BACH2: variants seen among roughly 807,000 people sequenced by gnomAD.
BACH2 encodes transcription regulator protein BACH2.
Under a neutral mutation model 61.8 loss-of-function variants are expected in BACH2, and 5 were observed. That is an observed-to-expected ratio of 0.08 (90% confidence interval 0.04 to 0.17). BACH2 has a LOEUF of 0.17. BACH2 is among the 10% of genes least tolerant of loss of function. The probability of loss-of-function intolerance (pLI) is 1.00; values close to 1 mark genes in which losing one functional copy is unlikely to be tolerated. For synonymous variants in BACH2, 446 were observed against 440.1 expected, an observed-to-expected ratio of 1.01 and a Z score of -0.17; for missense variants, 824 against 1,091.1, an observed-to-expected ratio of 0.76 and a Z score of 3.45.
intron 3 of BACH2, among the ~76,000 whole-genome samples, chr6:90,245,565 G>C (rs532011545): frequency 1.3e-5 from 2 of 152,312 alleles, no homozygotes; most frequent in South Asian, 4.1e-4. Context: ...TCCCATCTCT[G>C]AAGAATTTTT....
At chr6:90,295,559 A>G (rs2127896349) in intron 1 of BACH2, among the ~76,000 whole-genome samples, 1 of 152,176 alleles carries the variant, frequency 6.6e-6, no homozygotes, top group East Asian at 1.9e-4. Flanking sequence ...CAGCGGGGCC[A>G]CGGAGCGCCT....
intron 4 of BACH2, among the ~76,000 whole-genome samples, chr6:90,151,968 A>G (rs2127830173): frequency 6.6e-6 from 1 of 152,346 alleles, no homozygotes; most frequent in Admixed American, 6.5e-5. Context: ...CTTTGCCTCA[A>G]AAGAGGACTA....
intron 4 of BACH2, among the ~76,000 whole-genome samples, chr6:90,089,744 C>T (rs1471133646): frequency 2.0e-5 from 3 of 152,078 alleles, no homozygotes; most frequent in Non-Finnish European, 2.9e-5. Flanking sequence ...ACTCCTTCAC[C>T]GAAACTCTTG....
intron 4 of BACH2, among the ~76,000 whole-genome samples, chr6:90,155,361 C>T (rs1168206789): frequency 1.3e-5 from 2 of 152,128 alleles, no homozygotes; most frequent in African/African-American, 2.4e-5. Flanking sequence ...TAGGTGTCAG[C>T]GATATGTTCC....
rs532288276 is a variant in BACH2, at chr6:90,195,513, G to A, written c.-162+11056C>T. On this transcript the variant is annotated intron_variant, in intron 4 of 8. Coordinates refer to ENST00000257749, the MANE Select transcript of BACH2 (RefSeq NM_021813.4). ...CCTAAGGTGTGGATCTAGTCTGTGA[G>A]ATCAAAGCCAGCGGCTCTAATAACA... is the stretch of plus-strand genomic sequence containing the variant. 2.0e-4 allele frequency among the ~76,000 whole-genome samples: 31 copies of A among 151,684 alleles called. No homozygotes were observed. In the East Asian group the frequency reaches 3.5e-3, roughly 17 times the overall value.
intron 4 of BACH2, among the ~76,000 whole-genome samples, chr6:90,092,724 G>T (rs1354305143): frequency 6.6e-6 from 1 of 152,148 alleles, no homozygotes; most frequent in African/African-American, 2.4e-5. Context: ...AACAAAAAAA[G>T]TACTAAGTTA....
At chr6:90,123,930 A>ATT (rs111792941) in intron 4 of BACH2, among the ~76,000 whole-genome samples, 6,009 of 152,176 alleles carry the variant, frequency 0.039, 359 homozygotes, top group African/African-American at 0.13. Context: ...TCTCCTCCGA[A>ATT]TGCAGGCCTG....
At chr6:90,011,418 G>GT (rs911081417) in intron 5 of BACH2, among the ~76,000 whole-genome samples, 8 of 150,906 alleles carry the variant, frequency 5.3e-5, no homozygotes, top group Non-Finnish European at 7.4e-5. Flanking sequence ...GTCTACTTTT[G>GT]TTTTTTTTGG....
At chr6:90,016,798 T>C (rs1461298220) in intron 5 of BACH2, among the ~76,000 whole-genome samples, 1 of 152,144 alleles carries the variant, frequency 6.6e-6, no homozygotes, top group Non-Finnish European at 1.5e-5. Flanking sequence ...AGATTCCAGG[T>C]TGACAGGTGT....
At chr6:90,140,122 C>T (rs1469651031) in intron 4 of BACH2, among the ~76,000 whole-genome samples, 1 of 152,064 alleles carries the variant, frequency 6.6e-6, no homozygotes, top group Admixed American at 6.5e-5. Flanking sequence ...TCCAAGGAAC[C>T]CCATGGAAAA....
chr6:90,186,988 G>A (rs1450723003), intron 4 of BACH2, among the ~76,000 whole-genome samples: 1 of 152,102 alleles, frequency 6.6e-6, no homozygotes, highest in Non-Finnish European at 1.5e-5. Flanking sequence ...ATGAATAATC[G>A]CAATTATGCC....
chr6:90,131,963 T>A (rs1784094765), intron 4 of BACH2, among the ~76,000 whole-genome samples: 1 of 152,220 alleles, frequency 6.6e-6, no homozygotes, highest in Non-Finnish European at 1.5e-5. Flanking sequence ...TAGTATTACA[T>A]GTTCATGCCA....
At chr6:90,057,653 C>T (rs1780442030) in intron 5 of BACH2, among the ~76,000 whole-genome samples, 1 of 152,178 alleles carries the variant, frequency 6.6e-6, no homozygotes, top group African/African-American at 2.4e-5. Context: ...ACACCAAAGC[C>T]TGGCAGAGAC....
rs530148890 is a variant in BACH2, at chr6:90,081,902, T to C, written c.-13+7059A>G. Among the ~76,000 whole-genome samples the C allele has an allele frequency of 2.6e-5, 4 of 152,082 alleles. No individual in the cohort carries two copies. The South Asian group carries it at 6.2e-4, about 24-fold the overall frequency. On this transcript the variant is annotated intron_variant, in intron 5 of 8. Transcript: ENST00000257749. ...CCAAGTGTTAGGATTCATCCTAACC[T>C]GAAGGCCTAGTACTCTCCAAAGGGA...
At chr6:90,285,741 C>T (rs943567454) in intron 1 of BACH2, among the ~76,000 whole-genome samples, 1 of 152,112 alleles carries the variant, frequency 6.6e-6, no homozygotes, top group Admixed American at 6.5e-5. Flanking sequence ...CCCAGCAGCC[C>T]GGAGCTCTCC....
At chr6:90,161,012 C>T (rs541709659) in intron 4 of BACH2, among the ~76,000 whole-genome samples, 18 of 144,940 alleles carry the variant, frequency 1.2e-4, no homozygotes, top group Non-Finnish European at 1.9e-4. Flanking sequence ...TGCTTGAACC[C>T]GGGAGGCGGA....
chr6:89,942,792 A>G (rs144209062), intron 7 of BACH2, among the ~76,000 whole-genome samples: 404 of 152,332 alleles, frequency 2.7e-3, no homozygotes, highest in African/African-American at 9.2e-3. Context: ...AGGGCACCAG[A>G]GGCCTGTGCC....
intron 5 of BACH2, among the ~76,000 whole-genome samples, chr6:90,030,566 C>T (rs561906299): frequency 3.9e-4 from 59 of 152,224 alleles, no homozygotes; most frequent in South Asian, 8.3e-4. Context: ...TCAGAGAATA[C>T]GATAAACACC....
chr6:89,999,446 A>AT (rs1247116939), intron 6 of BACH2, among the ~76,000 whole-genome samples: 1 of 140,732 alleles, frequency 7.1e-6, no homozygotes, highest in African/African-American at 2.8e-5. Context: ...TCTTTGTCAC[A>AT]CCTTTTTTTT....
Sources: allele counts gnomAD v4.1 joint callset (sites outside exome capture counted in the v4.1 genomes callset), GRCh38; gene constraint gnomAD v4.1.1; transcripts MANE v1.5; gene names NCBI Gene and HGNC (gene_info 2026-07-23, HGNC 2026-07-21).